Variants in MYO3B observed in about 807,000 individuals in gnomAD.
MYO3B encodes myosin IIIB, also known as myosin-IIIb.
MYO3B carries 156 observed loss-of-function variants against 174.6 expected under a neutral mutation model. That is an observed-to-expected ratio of 0.89 (90% CI 0.78 to 1.02). The LOEUF (loss-of-function observed/expected upper bound fraction) is 1.02, where lower values mean the gene tolerates loss of function less well. Ranked by LOEUF, MYO3B falls within the 50% of genes least tolerant of loss-of-function variation. MYO3B has a pLI of 0.00. For synonymous variants in MYO3B, 563 were observed against 569.1 expected (o/e 0.99, Z 0.15); for missense variants, 1,632 against 1,639.4 (o/e 1.00, Z 0.08).
intron 32 of MYO3B, among the ~76,000 whole-genome samples, chr2:170,580,760 A>G (rs940271762): frequency 9.9e-4 from 91 of 91,750 alleles, no homozygotes; most frequent in African/African-American, 2.1e-3. Flanking sequence ...GTGTGTGTGT[A>G]TGAAAGCGTA....
chr2:170,632,075 G>A (rs912622400), intron 32 of MYO3B, among the ~76,000 whole-genome samples: 8 of 147,524 alleles, frequency 5.4e-5, no homozygotes, highest in African/African-American at 1.3e-4. Context: ...TTAGATCAAC[G>A]AGACAGAAGA....
chr2:170,396,779 G>T lies in MYO3B; in HGVS notation c.1792-3409G>T, dbSNP rs112345233. The stretch of plus-strand genomic sequence containing the variant: ...TTATCCCAGTGGTGAAATGCTGGAA[G>T]TCTTATTTTGGGAGGTTTCAGAGCT... On this transcript the variant is annotated intron_variant, in intron 16 of 34. Transcript: ENST00000408978. Among the ~76,000 whole-genome samples, 157 of 152,310 alleles carry T rather than the reference G, an allele frequency of 1.0e-3. 1 individual carries two copies. The highest frequency in any genetic ancestry group is 3.7e-3 in the African/African-American group (153 of 41,574).
At chr2:170,556,394 G>A (rs1691294086) in intron 32 of MYO3B, among the ~76,000 whole-genome samples, 1 of 152,168 alleles carries the variant, frequency 6.6e-6, no homozygotes, top group Non-Finnish European at 1.5e-5. Context: ...AGTATGTTTA[G>A]CTTTGCAAGA....
chr2:170,508,954 A>G (rs1444573764), intron 28 of MYO3B, among the ~76,000 whole-genome samples: 1 of 152,202 alleles, frequency 6.6e-6, no homozygotes, highest in East Asian at 1.9e-4. Flanking sequence ...CATGGTACGT[A>G]TTCACTAAAT....
intron 32 of MYO3B, among the ~76,000 whole-genome samples, chr2:170,609,420 C>A (rs1235702566): frequency 6.6e-6 from 1 of 152,178 alleles, no homozygotes; most frequent in Non-Finnish European, 1.5e-5. Flanking sequence ...TAGACCCATC[C>A]AAGATGTTCA....
At position 170,384,922 on chromosome 2, in the gene MYO3B, T is replaced by C. The variant is rs528026824; in HGVS notation, c.1290+1108T>C. On this transcript the variant is annotated intron_variant, in intron 12 of 34. Transcript: ENST00000408978. ...CTTTAGATGCCAGCTGCAAATGGAGTACCTAGGCTTCTCACACATCTGCCC... is the reference window on the plus strand; with the variant it reads ...CTTTAGATGCCAGCTGCAAATGGAGCACCTAGGCTTCTCACACATCTGCCC... Among the ~76,000 whole-genome samples the C allele has an allele frequency of 9.9e-5, 15 of 152,202 alleles. No individual in the cohort carries two copies. The East Asian group carries it at 2.9e-3, about 29-fold the overall frequency.
chr2:170,465,605 T>A (rs1684573616), intron 24 of MYO3B, among the ~76,000 whole-genome samples: 1 of 152,178 alleles, frequency 6.6e-6, no homozygotes, highest in African/African-American at 2.4e-5. Context: ...GTAGCTCTAT[T>A]TACTCTGTGA....
chr2:170,526,013 T>C (rs193021734), intron 30 of MYO3B, among the ~76,000 whole-genome samples: 271 of 152,246 alleles, frequency 1.8e-3, no homozygotes, highest in Middle Eastern at 0.014. Flanking sequence ...CAGCATGATG[T>C]GGGAGTGGTG....
rs1961846 is a variant in MYO3B, at chr2:170,552,367, G to A, written c.3733+8379G>A. On this transcript the variant is annotated intron_variant, in intron 32 of 34. Coordinates refer to ENST00000408978, the MANE Select transcript of MYO3B (RefSeq NM_138995.5). ...CTGAGGTGGCTTCAGATAGAGATGA[G>A]AAACTTACTGGGAGCTGCAGTAAAG... is the stretch of plus-strand genomic sequence containing the variant. Among the ~76,000 whole-genome samples the A allele has an allele frequency of 6.2e-3, 945 of 152,266 alleles. 11 individuals carry two copies. Among genetic ancestry groups the A allele is most frequent in the African/African-American group, 0.02 (826 of 41,548 alleles).
At chr2:170,492,558 A>G (rs1289265402) in intron 25 of MYO3B, among the ~76,000 whole-genome samples, 2 of 152,232 alleles carry the variant, frequency 1.3e-5, no homozygotes, top group Admixed American at 6.5e-5. Flanking sequence ...GATCAGGAAC[A>G]CACAAAGATT....
intron 32 of MYO3B, among the ~76,000 whole-genome samples, chr2:170,557,142 A>ATTT (rs369628260): frequency 2.0e-4 from 27 of 137,612 alleles, no homozygotes; most frequent in Admixed American, 2.9e-4. Flanking sequence ...TTTTATTTTT[A>ATTT]TTTTTATTTT....
chr2:170,214,955 A>C, intron 5 of MYO3B, 127 bp downstream of exon 5: 1 of 688,760 alleles, frequency 1.5e-6, no homozygotes, highest in Non-Finnish European at 2.5e-6. Flanking sequence ...CCAGTCAAAC[A>C]CAAGCTGGAG....
chr2:170,547,329 CAAA>C (rs549507676), intron 32 of MYO3B, among the ~76,000 whole-genome samples: 131 of 99,846 alleles, frequency 1.3e-3, no homozygotes, highest in African/African-American at 4.6e-3. Context: ...GACTCTGTCT[CAAA>C]AAAAAAAAAA....
chr2:170,446,135 C>T (rs532055301), intron 23 of MYO3B, among the ~76,000 whole-genome samples: 6 of 152,280 alleles, frequency 3.9e-5, no homozygotes, highest in Admixed American at 2.6e-4. Flanking sequence ...CTGAGCATTT[C>T]TGTGAATGAC....
chr2:170,230,907 A>T (rs530436802), intron 6 of MYO3B, among the ~76,000 whole-genome samples: 93 of 152,308 alleles, frequency 6.1e-4, no homozygotes, highest in African/African-American at 2.0e-3. Flanking sequence ...ATTTTGTCAA[A>T]GTCACCCAGT....
chr2:170,478,476 A>G (rs1221584395), intron 25 of MYO3B, among the ~76,000 whole-genome samples: 1 of 147,770 alleles, frequency 6.8e-6, no homozygotes, highest in Non-Finnish European at 1.5e-5. Flanking sequence ...GATCCTGGGA[A>G]TTTTCTAATT....
chr2:170,273,401 A>G (rs1267075634), intron 7 of MYO3B, among the ~76,000 whole-genome samples: 1 of 152,120 alleles, frequency 6.6e-6, no homozygotes, highest in East Asian at 1.9e-4. Context: ...ACACCCCTGG[A>G]TGGCCCACAG....
At chr2:170,249,398 C>G (rs11691727) in intron 7 of MYO3B, among the ~76,000 whole-genome samples, 4,753 of 152,332 alleles carry the variant, frequency 0.031, 92 homozygotes, top group Middle Eastern at 0.044. Flanking sequence ...CCAAACCTAA[C>G]TCTTTTGGCC....
chr2:170,636,957 C>CGTGTGTGT (rs3047156), intron 32 of MYO3B, among the ~76,000 whole-genome samples: 3,994 of 146,622 alleles, frequency 0.027, 71 homozygotes, highest in Admixed American at 0.035. Context: ...TGCTTTTGTG[C>CGTGTGTGT]GTGTGTGTGT....
Sources: allele counts gnomAD v4.1 joint callset (sites outside exome capture counted in the v4.1 genomes callset), GRCh38; gene constraint gnomAD v4.1.1; transcripts MANE v1.5; gene names NCBI Gene and HGNC (gene_info 2026-07-23, HGNC 2026-07-21).